The following GALNT16 variants were observed in gnomAD, a reference collection of about 807,000 sequenced individuals.
The protein encoded by GALNT16 is UDP-GalNAc:polypeptide N-acetylgalactosaminyltransferase-like protein 1.
Under a neutral mutation model 76.1 loss-of-function variants are expected in GALNT16, and 40 were observed. That is an observed-to-expected ratio of 0.53 (90% CI 0.41 to 0.68). GALNT16 has a LOEUF of 0.68. Among genes scored for constraint, GALNT16 ranks in the 30% least tolerant of loss-of-function variants. GALNT16 has a pLI of 0.00. For synonymous variants in GALNT16, 276 were observed against 285.2 expected (o/e 0.97, Z 0.32); for missense variants, 621 against 731.9 (o/e 0.85, Z 1.75).
intron 5 of GALNT16, among the ~76,000 whole-genome samples, chr14:69,326,531 G>A (rs1470199936): frequency 6.6e-6 from 1 of 152,182 alleles, no homozygotes; most frequent in Non-Finnish European, 1.5e-5. Context: ...GCTGGCTGTG[G>A]TTGTGTATGA....
chr14:69,380,567 G>A, the GALNT16 span: 1 of 1,601,914 alleles, frequency 6.2e-7, no homozygotes, highest in Non-Finnish European at 8.5e-7. Context: ...GCCTGCCGAC[G>A]AAGGAGCACG....
chr14:69,328,264 G>C (rs1415637516), intron 5 of GALNT16, among the ~76,000 whole-genome samples, 186 bp from the exon 6 acceptor site: 2 of 152,012 alleles, frequency 1.3e-5, no homozygotes, highest in Non-Finnish European at 2.9e-5. Context: ...GATGGTGGTT[G>C]ATGGGTGGAT....
chr14:69,383,368 T>C, the GALNT16 span, among the ~76,000 whole-genome samples: 2 of 152,346 alleles, frequency 1.3e-5, no homozygotes, highest in African/African-American at 4.8e-5. Context: ...GCCATGTAAA[T>C]TTAATAGAAA....
intron 9 of GALNT16, among the ~76,000 whole-genome samples, chr14:69,336,132 CAG>C: frequency 6.6e-6 from 1 of 152,172 alleles, no homozygotes; most frequent in Middle Eastern, 3.4e-3. Context: ...TTTTTTCAGA[CAG>C]AGTCTTGCTC....
chr14:69,373,704 T>G, the GALNT16 span, among the ~76,000 whole-genome samples: 2 of 152,160 alleles, frequency 1.3e-5, no homozygotes, highest in Non-Finnish European at 2.9e-5. Context: ...GTCTTCTTTC[T>G]CTTTTTCTTT....
Position 69,333,080 on chromosome 14 carries a change from C to G in GALNT16, c.779-5C>G, listed in dbSNP as rs1316281815. On this transcript the variant is annotated splice_region_variant and splice_polypyrimidine_tract_variant and intron_variant, in intron 7 of 14. Coordinates refer to ENST00000448469, the MANE Select transcript of GALNT16 (RefSeq NM_001168368.2). This position sits in a 1 kb window ranked among gnomAD's most constrained non-coding sequence, Gnocchi z 4.2. ...GCTCTGTCCTCACCTTGCTGTGTCCCTTAGGGTTCGACTGGAGCCTGCATT... is the reference window on the plus strand; with the variant it reads ...GCTCTGTCCTCACCTTGCTGTGTCCGTTAGGGTTCGACTGGAGCCTGCATT... 1.2e-6 allele frequency: 2 copies of G among 1,610,500 alleles called. No individual in the cohort carries two copies. The highest frequency in any genetic ancestry group is 1.7e-6 in the Non-Finnish European group (2 of 1,176,766).
intron 5 of GALNT16, among the ~76,000 whole-genome samples, chr14:69,327,344 C>A (rs562782466): frequency 1.3e-5 from 2 of 151,856 alleles, no homozygotes; most frequent in African/African-American, 2.4e-5. Context: ...GGTGACAGAG[C>A]GACACTCAGT....
intron 1 of GALNT16, among the ~76,000 whole-genome samples, chr14:69,264,767 A>AT (rs1389665371): frequency 1.5e-5 from 2 of 135,250 alleles, no homozygotes; most frequent in African/African-American, 5.8e-5. Flanking sequence ...AAATGTTCAG[A>AT]TTTTTTTCTT....
chr14:69,364,546 T>C, the GALNT16 span, among the ~76,000 whole-genome samples: 1 of 152,166 alleles, frequency 6.6e-6, no homozygotes, highest in Non-Finnish European at 1.5e-5. The surrounding 1 kb of genome is among the most constrained non-coding windows in gnomAD (Gnocchi z 4.2). Flanking sequence ...AAAGAGAAAC[T>C]GATGCAGGCT....
Position 69,352,295 on chromosome 14 carries a change from C to T in GALNT16, c.*127C>T. 1.2e-6 allele frequency: 1 copy of T among 849,840 alleles called. No individual in the cohort carries two copies. Among genetic ancestry groups the T allele is most frequent in the East Asian group, 2.7e-5 (1 of 37,206 alleles). 52.6% of individuals were successfully genotyped at this position (849,840 alleles called of 1,614,324 possible). ...TTCTGCCAGGACCATCAGCAAATACCCACCATGACACACGTTCTCCAAAGC... is the reference window on the plus strand; with the variant it reads ...TTCTGCCAGGACCATCAGCAAATACTCACCATGACACACGTTCTCCAAAGC... On this transcript the variant is annotated 3_prime_UTR_variant, in exon 15 of 15. Transcript: ENST00000448469.
At chr14:69,373,436 G>A in the GALNT16 span, among the ~76,000 whole-genome samples, 1 of 152,172 alleles carries the variant, frequency 6.6e-6, no homozygotes, top group East Asian at 1.9e-4. Flanking sequence ...CTCTTGAAAA[G>A]CATAAAGAAA....
chr14:69,329,379 A>G (rs2045325166), intron 6 of GALNT16, among the ~76,000 whole-genome samples: 1 of 152,150 alleles, frequency 6.6e-6, no homozygotes, highest in Admixed American at 6.5e-5. Flanking sequence ...TTGGCAAAGG[A>G]TTTGAGTAGA....
At chr14:69,355,749 C>G (rs2045688201), downstream of GALNT16, 1 of 152,302 alleles carries the variant, frequency 6.6e-6, no homozygotes. Context: ...GGGCCAGACT[C>G]CCATTTGTAC....
At chr14:69,263,159 C>G (rs764040017) in intron 1 of GALNT16, among the ~76,000 whole-genome samples, 36 of 152,152 alleles carry the variant, frequency 2.4e-4, no homozygotes, top group Non-Finnish European at 7.3e-5. Context: ...AGCAAGGCTT[C>G]TTAAAGGAGT....
At chr14:69,341,258 T>G (rs181108428) in intron 11 of GALNT16, among the ~76,000 whole-genome samples, 62 of 152,336 alleles carry the variant, frequency 4.1e-4, no homozygotes, top group African/African-American at 1.4e-3. Context: ...AGGACACATC[T>G]AATGGTTTTA....
intron 1 of GALNT16, among the ~76,000 whole-genome samples, chr14:69,282,016 T>A (rs2044549560): frequency 6.6e-6 from 1 of 152,218 alleles, no homozygotes; most frequent in African/African-American, 2.4e-5. Context: ...ATACGTTACA[T>A]CATGGGGTTT....
In GALNT16 at chr14:69,261,274, G is replaced by T. The variant is rs988457978; in HGVS notation, c.177+807G>T. On this transcript the variant is annotated intron_variant, in intron 1 of 14. Transcript: ENST00000448469. The surrounding 1 kb of genome is among the most constrained non-coding windows in gnomAD (Gnocchi z 6.4). ...CTGGGGACCCGGGCGGGGGCGTGCG[G>T]AGCCGCAGCCGCCCTGCAGGGGGCG... is the stretch of plus-strand genomic sequence containing the variant. Among the ~76,000 whole-genome samples the T allele has an allele frequency of 6.6e-6, 1 of 152,144 alleles. No individual in the cohort carries two copies. The highest frequency in any genetic ancestry group is 2.4e-5 in the African/African-American group (1 of 41,444).
In GALNT16 at chr14:69,347,044, C is replaced by G. The variant is rs1243201366; in HGVS notation, c.1276C>G (p.Pro426Ala). The G allele has an allele frequency of 6.2e-7, 1 of 1,614,084 alleles. No individual in the cohort carries two copies. The highest frequency in any genetic ancestry group is 8.5e-7 in the Non-Finnish European group (1 of 1,179,980). ...GACTGCTGCCTTTTCTCTCAGGGTC[C>G]CCGTGAAGGAAGCACTCCCCGGCAT... is the stretch of plus-strand genomic sequence containing the variant. The part of the protein sequence containing the change: ...LENVYPELTV[P>A]VKEALPGIIK... Residue 426 changes from proline to alanine, a missense_variant, in exon 13 of 15, where the codon CCC becomes GCC. Transcript: ENST00000448469.
intron 14 of GALNT16, chr14:69,351,813 G>A (rs1042802316): frequency 2.1e-6 from 1 of 485,798 alleles, no homozygotes; most frequent in Middle Eastern, 5.4e-4. Flanking sequence ...CTCAGAGGCT[G>A]AGGCAAGAGG....
Sources: gnomAD v4.1 joint callset for allele counts (sites outside exome capture counted in the v4.1 genomes callset) on GRCh38, gnomAD v4.1.1 for gene constraint, Gnocchi (gnomAD v3.1) non-coding constraint, MANE v1.5 for transcripts, NCBI Gene and HGNC (gene_info 2026-07-23, HGNC 2026-07-21) for gene names.